Variants in RBM6 observed in about 807,000 individuals in gnomAD.
The protein encoded by RBM6 is RNA-binding protein 6.
RBM6 carries 23 observed loss-of-function variants against 140.4 expected under a neutral mutation model. The ratio of observed to expected loss-of-function variants is 0.16; its 90% CI spans 0.12 to 0.23. The LOEUF (loss-of-function observed/expected upper bound fraction) is 0.23, where lower values mean the gene tolerates loss of function less well. Among genes scored for constraint, RBM6 ranks in the 10% least tolerant of loss-of-function variants. The probability of loss-of-function intolerance (pLI) is 1.00; values close to 1 mark genes in which losing one functional copy is unlikely to be tolerated. For synonymous variants in RBM6, 439 were observed against 475.6 expected, an observed-to-expected ratio of 0.92 and a Z score of 1.00; for missense variants, 1,139 against 1,386.7, an observed-to-expected ratio of 0.82 and a Z score of 2.84.
At chr3:50,020,065 CAT>C (rs1374792258) in intron 6 of RBM6, among the ~76,000 whole-genome samples, 2 of 151,934 alleles carry the variant, frequency 1.3e-5, no homozygotes, top group African/African-American at 2.4e-5. Context: ...ACTACAGGCA[CAT>C]ACCACCATAC....
At chr3:50,067,241 A>G (rs891514179) in intron 17 of RBM6, among the ~76,000 whole-genome samples, 23 of 150,452 alleles carry the variant, frequency 1.5e-4, no homozygotes, top group Non-Finnish European at 3.1e-4. Context: ...ATCCTTCCTC[A>G]GTGTATATCA....
intron 7 of RBM6, among the ~76,000 whole-genome samples, chr3:50,051,938 G>A (rs1444674579): frequency 6.6e-6 from 1 of 152,172 alleles, no homozygotes; most frequent in Non-Finnish European, 1.5e-5. Flanking sequence ...GTAAGAATGG[G>A]GGAGGTAACT....
Position 49,968,207 on chromosome 3 carries a change from A to G in RBM6, c.782A>G (p.His261Arg). The G allele has an allele frequency of 6.2e-7, 1 of 1,614,138 alleles. No homozygotes were observed. The stretch of plus-strand genomic sequence containing the variant: ...CCACATTCAGATTTCAGAGGTAGAC[A>G]CCGATCTAGGACTGATCAGGATTTT... ...DTPHSDFRGRHRSRTDQDFRG... is the reference protein window; with the variant it reads ...DTPHSDFRGRRRSRTDQDFRG... The change falls in exon 3 of 21, where the codon CAC becomes CGC. Residue 261 changes from histidine (H) to arginine (R), a missense_variant. By Grantham distance (29) the His-to-Arg change is conservative. Coordinates refer to ENST00000266022, the MANE Select transcript of RBM6 (RefSeq NM_005777.3).
At chr3:49,964,383 A>C (rs571282376) in intron 2 of RBM6, among the ~76,000 whole-genome samples, 1 of 152,360 alleles carries the variant, frequency 6.6e-6, no homozygotes, top group African/African-American at 2.4e-5. Context: ...ATTGGTCTTT[A>C]AATTAAAACA....
chr3:50,025,007 AAAACAAG>A (rs2087722131), intron 6 of RBM6, among the ~76,000 whole-genome samples: 1 of 150,960 alleles, frequency 6.6e-6, no homozygotes, highest in South Asian at 2.1e-4. Context: ...CAAAAAACAA[AAAACAAG>A]AAAACAGTTT....
At chr3:49,951,762 G>T (rs761905340) in intron 1 of RBM6, among the ~76,000 whole-genome samples, 2 of 151,390 alleles carry the variant, frequency 1.3e-5, no homozygotes, top group South Asian at 2.1e-4. Flanking sequence ...TCGCCCTGTC[G>T]CCCAGGCTGG....
At chr3:50,059,464 C>T in intron 10 of RBM6, 185 bp from the exon 11 acceptor site, 1 of 496,728 alleles carries the variant, frequency 2.0e-6, no homozygotes, top group Non-Finnish European at 3.6e-6. Context: ...CCAATCAGTC[C>T]TTCATTAAAA....
chr3:50,002,985 G>A (rs189103360), intron 6 of RBM6, among the ~76,000 whole-genome samples: 8 of 152,048 alleles, frequency 5.3e-5, no homozygotes, highest in East Asian at 3.9e-4. Flanking sequence ...GTGTGGTGGC[G>A]CACGCCTGTA....
Position 50,062,010 on chromosome 3 carries a change from A to G in RBM6, c.2488A>G (p.Ile830Val). The G allele has an allele frequency of 6.2e-7, 1 of 1,614,090 alleles. No individual in the cohort carries two copies. Among genetic ancestry groups the G allele is most frequent in the Non-Finnish European group, 8.5e-7 (1 of 1,180,002 alleles). The change falls in exon 15 of 21, where the codon ATC (isoleucine) becomes GTC (valine). Residue 830 changes from isoleucine (I) to valine (V), a missense_variant. Transcript: ENST00000266022. ...TCCTGGATTACCTGAGGAAGAAGAG[A>G]TCAAGGAAAAAAAACCCACCAGTCA... is the stretch of plus-strand genomic sequence containing the variant. ...QDPGLPEEEEIKEKKPTSQGK... is the reference protein window; with the variant it reads ...QDPGLPEEEEVKEKKPTSQGK...
rs184362127 is a variant in RBM6 at position 50,062,516 on chromosome 3, A to C, written c.2586+408A>C. ...AGACTCTGTATCAAAAAAAAAAAAAAAACCTCTGTTAATGAGTATTTTTAC... is the reference window on the plus strand; with the variant it reads ...AGACTCTGTATCAAAAAAAAAAAAACAACCTCTGTTAATGAGTATTTTTAC... On this transcript the variant is annotated intron_variant, in intron 15 of 20. Transcript: ENST00000266022. Among the ~76,000 whole-genome samples, 1,364 of 152,022 alleles carry C rather than the reference A, an allele frequency of 9.0e-3. 31 individuals are homozygous for C. The highest frequency in any genetic ancestry group is 0.031 in the African/African-American group (1,268 of 41,458).
chr3:50,011,447 T>G (rs2086847011), intron 6 of RBM6, among the ~76,000 whole-genome samples: 1 of 152,216 alleles, frequency 6.6e-6, no homozygotes, highest in Admixed American at 6.6e-5. Context: ...AAAATAACAT[T>G]AAGAAATCCT....
intron 6 of RBM6, among the ~76,000 whole-genome samples, chr3:50,032,877 C>T (rs1359675013): frequency 6.6e-6 from 1 of 151,008 alleles, no homozygotes; most frequent in Non-Finnish European, 1.5e-5. Flanking sequence ...TCCAGCTATT[C>T]GGGAGGCTGA....
rs147668975 is a variant in RBM6, at chr3:49,951,333, G to A, written c.-67+11108G>A. Among the ~76,000 whole-genome samples the A allele has an allele frequency of 7.1e-3, 1,061 of 149,132 alleles. 15 individuals carry two copies. The highest frequency in any genetic ancestry group is 0.025 in the African/African-American group (1,010 of 40,560). On this transcript the variant is annotated intron_variant, in intron 1 of 20. Transcript: ENST00000266022. ...GCACAAGCCATCTTCCCACCTCAGC[G>A]TCCTCAGTAGCTGGGACTACAGATG...
chr3:50,039,653 T>A (rs925089344), intron 6 of RBM6, among the ~76,000 whole-genome samples: 1 of 152,154 alleles, frequency 6.6e-6, no homozygotes, highest in Non-Finnish European at 1.5e-5. Flanking sequence ...AGCTGAAAAG[T>A]TTTTTAAAAA....
chr3:49,983,114 A>G (rs892770671), intron 5 of RBM6, among the ~76,000 whole-genome samples: 1 of 152,152 alleles, frequency 6.6e-6, no homozygotes, highest in African/African-American at 2.4e-5. Flanking sequence ...CAAAATGCTG[A>G]GATTACAAGT....
At chr3:50,074,382 C>T (rs909633081) in intron 19 of RBM6, among the ~76,000 whole-genome samples, 4 of 151,648 alleles carry the variant, frequency 2.6e-5, no homozygotes, top group Admixed American at 6.6e-5. Flanking sequence ...AGTGCAATGG[C>T]GCGATATCAG....
chr3:50,075,647 C>G (rs997827497), intron 20 of RBM6, among the ~76,000 whole-genome samples: 2 of 152,150 alleles, frequency 1.3e-5, no homozygotes, highest in African/African-American at 4.8e-5. Context: ...AGGGAATCAG[C>G]AATGAAAGGT....
intron 6 of RBM6, among the ~76,000 whole-genome samples, chr3:50,022,601 A>G (rs529614392): frequency 6.6e-6 from 1 of 151,206 alleles, no homozygotes; most frequent in East Asian, 2.0e-4. Context: ...AAGTGCTGGG[A>G]TTACAGGCGT....
intron 6 of RBM6, among the ~76,000 whole-genome samples, chr3:50,039,931 A>G (rs2088782206): frequency 6.6e-6 from 1 of 152,150 alleles, no homozygotes; most frequent in East Asian, 1.9e-4. Context: ...GGAACCTTAG[A>G]ATAGGAGAGA....
Sources: gnomAD v4.1 joint callset for allele counts (sites outside exome capture counted in the v4.1 genomes callset) on GRCh38, gnomAD v4.1.1 for gene constraint, MANE v1.5 for transcripts, NCBI Gene and HGNC (gene_info 2026-07-23, HGNC 2026-07-21) for gene names.